PPARD: variants seen among roughly 807,000 people sequenced by gnomAD.
PPARD encodes the protein peroxisome proliferator activated receptor delta.
A neutral mutation model predicts 39.5 loss-of-function variants in PPARD; 6 were observed. The observed-to-expected ratio is 0.15, with a 90% CI of 0.08 to 0.30. The LOEUF is 0.30. Ranked by LOEUF, PPARD falls within the 10% of genes least tolerant of loss-of-function variation. PPARD has a pLI of 1.00. For synonymous variants in PPARD, 210 were observed against 231.3 expected, an observed-to-expected ratio of 0.91 and a Z score of 0.83; for missense variants, 397 against 596.8, an observed-to-expected ratio of 0.67 and a Z score of 3.49.
chr6:35,424,129 G>T lies in PPARD; in HGVS notation c.608G>T (p.Gly203Val). 1 of 1,612,940 alleles carries T rather than the reference G, an allele frequency of 6.2e-7. No individual in the cohort carries two copies. Among genetic ancestry groups the T allele is most frequent in the Non-Finnish European group, 8.5e-7 (1 of 1,180,000 alleles). Residue 203 changes from glycine to valine, a missense_variant, in exon 6 of 8, where the codon GGC becomes GTC. Gly to Val is a moderately radical substitution (Grantham distance 109, BLOSUM62 -3). Transcript: ENST00000360694. The surrounding 1 kb of genome is among the most constrained non-coding windows in gnomAD (Gnocchi z 7.1). ...AAGAAGGCCCGCAGCATCCTCACCG[G>T]CAAAGCCAGCCACACGGCGGTGAGT... The part of the protein sequence containing the change: ...TKKKARSILT[G>V]KASHTAPFVI...
chr6:35,384,231 G>A (rs1279485306), intron 2 of PPARD, among the ~76,000 whole-genome samples: 7 of 130,280 alleles, frequency 5.4e-5, no homozygotes, highest in South Asian at 2.5e-4. Flanking sequence ...TCAGCCCCCC[G>A]CCCGGCCAGC....
At chr6:35,388,723 G>A (rs1312489791) in intron 2 of PPARD, among the ~76,000 whole-genome samples, 5 of 151,936 alleles carry the variant, frequency 3.3e-5, no homozygotes, top group African/African-American at 1.2e-4. Context: ...AACAAAAGAG[G>A]GGAAGGTAGG....
intron 2 of PPARD, chr6:35,397,584 C>T (rs1764422821): frequency 2.0e-6 from 2 of 983,622 alleles, no homozygotes; most frequent in African/African-American, 3.5e-5. Flanking sequence ...CTCTACAGGA[C>T]TGCTTCAAGG....
intron 2 of PPARD, among the ~76,000 whole-genome samples, chr6:35,394,950 G>A (rs961863377): frequency 3.3e-5 from 5 of 152,158 alleles, no homozygotes; most frequent in African/African-American, 1.2e-4. Flanking sequence ...CTCACAGATA[G>A]AAAGCCTGAG....
intron 2 of PPARD, among the ~76,000 whole-genome samples, chr6:35,396,573 A>G (rs1388500420): frequency 1.4e-5 from 2 of 146,484 alleles, no homozygotes; most frequent in Non-Finnish European, 3.0e-5. Context: ...GCTCATGCCT[A>G]TAATCCCAGC....
At chr6:35,417,586 G>A (rs745463368) in intron 3 of PPARD, among the ~76,000 whole-genome samples, 5 of 150,486 alleles carry the variant, frequency 3.3e-5, no homozygotes, top group Admixed American at 1.3e-4. Flanking sequence ...GTGCAATGGC[G>A]CGATCTCAGC....
chr6:35,384,086 T>G (rs1330976216), intron 2 of PPARD, among the ~76,000 whole-genome samples: 4 of 118,008 alleles, frequency 3.4e-5, no homozygotes, highest in Admixed American at 8.9e-5. Flanking sequence ...GGGAGGGAGG[T>G]CGGGGCGTCA....
intron 2 of PPARD, among the ~76,000 whole-genome samples, chr6:35,354,503 G>T (rs1248673317): frequency 6.6e-6 from 1 of 151,906 alleles, no homozygotes; most frequent in Non-Finnish European, 1.5e-5. Flanking sequence ...ATTTCACAAT[G>T]TTGGCCAGGC....
intron 2 of PPARD, among the ~76,000 whole-genome samples, chr6:35,354,740 G>A (rs1411948130): frequency 6.6e-6 from 1 of 152,190 alleles, no homozygotes; most frequent in African/African-American, 2.4e-5. Context: ...AGTAGGCTAT[G>A]CTAAGTAAGT....
At chr6:35,389,959 C>T (rs190103236) in intron 2 of PPARD, among the ~76,000 whole-genome samples, 6 of 152,290 alleles carry the variant, frequency 3.9e-5, no homozygotes, top group East Asian at 1.9e-4. Context: ...GGCAGAACCC[C>T]GGGCCTCAAA....
At chr6:35,358,937 A>G (rs1036027689) in intron 2 of PPARD, among the ~76,000 whole-genome samples, 4 of 152,216 alleles carry the variant, frequency 2.6e-5, no homozygotes, top group African/African-American at 9.7e-5. Context: ...TTAAGTCAAC[A>G]GCATGTGAGA....
Sources: gnomAD v4.1 joint callset for allele counts (sites outside exome capture counted in the v4.1 genomes callset) on GRCh38, gnomAD v4.1.1 for gene constraint, Gnocchi (gnomAD v3.1) non-coding constraint, MANE v1.5 for transcripts, NCBI Gene and HGNC (gene_info 2026-07-23, HGNC 2026-07-21) for gene names.